The following CACNA1B variants were observed in gnomAD, a reference collection of about 807,000 sequenced individuals.
CACNA1B encodes the protein voltage-dependent N-type calcium channel subunit alpha-1B.
CACNA1B carries 70 observed loss-of-function variants against 247.2 expected under a neutral mutation model. That is an observed-to-expected ratio of 0.28 (90% CI 0.23 to 0.35). CACNA1B has a LOEUF of 0.35. Among genes scored for constraint, CACNA1B ranks in the 10% least tolerant of loss-of-function variants. The pLI is 1.00. For synonymous variants in CACNA1B, 1,231 were observed against 1,294.4 expected (o/e 0.95, Z 1.05); for missense variants, 2,367 against 3,197.4 (o/e 0.74, Z 6.26).
intron 6 of CACNA1B, among the ~76,000 whole-genome samples, chr9:137,943,098 A>G (rs541139872): frequency 6.6e-6 from 1 of 151,746 alleles, no homozygotes; most frequent in South Asian, 2.1e-4. Context: ...GCCTGCTGAA[A>G]TGGTCCCAGG....
Position 137,935,919 on chromosome 9 carries a change from C to T in CACNA1B, c.967-16355C>T, listed in dbSNP as rs1009791080. ...TCGCCCAGGCTGGAGTGCAGTGGCA[C>T]GATCTCGGCTCACTGCAGCCTCTGC... On this transcript the variant is annotated intron_variant, in intron 6 of 46. Coordinates refer to ENST00000371372, the MANE Select transcript of CACNA1B (RefSeq NM_000718.4). Among the ~76,000 whole-genome samples the T allele has an allele frequency of 5.3e-5, 8 of 152,180 alleles. No homozygotes were observed. The East Asian group carries it at 9.7e-4, about 18-fold the overall frequency.
intron 44 of CACNA1B, among the ~76,000 whole-genome samples, chr9:138,119,643 C>T (rs147856743): frequency 6.6e-6 from 1 of 152,230 alleles, no homozygotes; most frequent in Non-Finnish European, 1.5e-5. Context: ...TCTCTTGTCT[C>T]TTTCCCCGCC....
chr9:138,071,118 C>G (rs1347312510), intron 32 of CACNA1B, among the ~76,000 whole-genome samples: 1 of 152,188 alleles, frequency 6.6e-6, no homozygotes, highest in Non-Finnish European at 1.5e-5. Context: ...ATTTTAAATC[C>G]CTTTTCTCAA....
chr9:137,964,676 C>T lies in CACNA1B; in HGVS notation c.1334-6707C>T, dbSNP rs984834152. Among the ~76,000 whole-genome samples the T allele has an allele frequency of 2.6e-5, 4 of 152,198 alleles. No individual in the cohort carries two copies. The South Asian group carries it at 8.3e-4, about 31-fold the overall frequency. ...CATAAGTGAAGTTCATTATTACCCA[C>T]CTTCTGAAGCCTACTTCTATCATTT... On this transcript the variant is annotated intron_variant, in intron 10 of 46. Coordinates refer to ENST00000371372, the MANE Select transcript of CACNA1B (RefSeq NM_000718.4).
intron 35 of CACNA1B, 105 bp from the exon 36 acceptor site, chr9:138,078,009 G>C (rs937887573): frequency 1.1e-6 from 1 of 942,222 alleles, no homozygotes; most frequent in African/African-American, 1.6e-5. Flanking sequence ...TGTGTGAGCT[G>C]TCTGTGGGAA....
chr9:138,075,769 G>A (rs772882680), intron 34 of CACNA1B, 50 bp from the exon 35 acceptor site: 31 of 1,260,936 alleles, frequency 2.5e-5, no homozygotes, highest in Admixed American at 3.8e-5. Context: ...CACCTGGCGC[G>A]GCTCCTGCAG....
chr9:137,987,231 C>G (rs7029137), intron 15 of CACNA1B, among the ~76,000 whole-genome samples: 56,150 of 151,992 alleles, frequency 0.37, 14,632 homozygotes, highest in African/African-American at 0.73. Flanking sequence ...TTCTCCCCCT[C>G]CTATCTCAGA....
intron 3 of CACNA1B, among the ~76,000 whole-genome samples, chr9:137,894,643 C>T (rs562021155): frequency 2.6e-3 from 389 of 152,204 alleles, no homozygotes; most frequent in Non-Finnish European, 3.6e-3. Context: ...CTCCTGACCT[C>T]GTGATCCGCC....
At chr9:137,980,574 T>C (rs1958282557) in intron 12 of CACNA1B, among the ~76,000 whole-genome samples, 1 of 152,248 alleles carries the variant, frequency 6.6e-6, no homozygotes, top group African/African-American at 2.4e-5. Context: ...CATGGGTATA[T>C]TGTGTGATGC....
intron 10 of CACNA1B, among the ~76,000 whole-genome samples, chr9:137,960,939 A>C (rs1026861086): frequency 1.3e-5 from 2 of 151,280 alleles, no homozygotes; most frequent in African/African-American, 4.9e-5. Context: ...TTTGGTTTTG[A>C]TTTGTATTTC....
At chr9:137,960,398 CT>C (rs1958003389) in intron 10 of CACNA1B, among the ~76,000 whole-genome samples, 1 of 31,662 alleles carries the variant, frequency 3.2e-5, no homozygotes, top group African/African-American at 1.2e-4. Flanking sequence ...GTTGGCCTGA[CT>C]GGGGGGGAGG....
In CACNA1B at chr9:137,987,299, C is replaced by T. The variant is rs148190301; in HGVS notation, c.1974+445C>T. ...TGGAAAACTACCCCCCTCAGCTCCT[C>T]GGGAAGTGGGGGCTGGGGGCCCACT... On this transcript the variant is annotated intron_variant, in intron 15 of 46. Coordinates refer to ENST00000371372, the MANE Select transcript of CACNA1B (RefSeq NM_000718.4). Among the ~76,000 whole-genome samples the T allele has an allele frequency of 2.4e-3, 366 of 152,266 alleles. 1 individual carries two copies. Among genetic ancestry groups the T allele is most frequent in the Middle Eastern group, 6.8e-3 (2 of 294 alleles).
chr9:138,096,347 G>C, intron 36 of CACNA1B, 137 bp from the exon 37 acceptor site: 1 of 666,450 alleles, frequency 1.5e-6, no homozygotes, highest in Non-Finnish European at 2.6e-6. Flanking sequence ...GGGGAGAGCA[G>C]ATCGGGCATG....
intron 6 of CACNA1B, among the ~76,000 whole-genome samples, chr9:137,930,825 T>C (rs1231352596): frequency 6.6e-6 from 1 of 152,246 alleles, no homozygotes; most frequent in African/African-American, 2.4e-5. Context: ...GACCTTTTTA[T>C]CATTATATAC....
At position 137,995,083 on chromosome 9, in the gene CACNA1B, C is replaced by A. The variant is rs532533748; in HGVS notation, c.1974+8229C>A. On this transcript the variant is annotated intron_variant, in intron 15 of 46. Transcript: ENST00000371372. The stretch of plus-strand genomic sequence containing the variant: ...ATTAGCCAGGTGCGGTGGCTTGTGC[C>A]TGTAATCCCAGCTACTTGGAAGGCT... 3.9e-5 allele frequency among the ~76,000 whole-genome samples: 6 copies of A among 152,184 alleles called. No individual in the cohort carries two copies. The South Asian group carries it at 1.0e-3, about 26-fold the overall frequency.
chr9:137,992,781 A>G lies in CACNA1B; in HGVS notation c.1974+5927A>G, dbSNP rs534820328. Among the ~76,000 whole-genome samples the G allele has an allele frequency of 5.1e-3, 754 of 148,618 alleles. 11 individuals are homozygous for G. Among genetic ancestry groups the G allele is most frequent in the South Asian group, 0.029 (134 of 4,690 alleles). On this transcript the variant is annotated intron_variant, in intron 15 of 46. Coordinates refer to ENST00000371372, the MANE Select transcript of CACNA1B (RefSeq NM_000718.4). Reference sequence around the variant, plus strand: ...CACTGCACTCCAGCCTGGGCGACAGAGCGAGACTCCGTCTCAAAAAAAAAA... The same window carrying G: ...CACTGCACTCCAGCCTGGGCGACAGGGCGAGACTCCGTCTCAAAAAAAAAA...
In CACNA1B at chr9:137,974,040, C is replaced by T. The variant is rs1958188632; in HGVS notation, c.1544-1867C>T. On this transcript the variant is annotated intron_variant, in intron 11 of 46. Coordinates refer to ENST00000371372, the MANE Select transcript of CACNA1B (RefSeq NM_000718.4). This position sits in a 1 kb window ranked among gnomAD's most constrained non-coding sequence, Gnocchi z 4.5. Reference sequence around the variant, plus strand: ...GGGTCCGAGCCCCTCGTGTGGGGAGCCCGAGGCCTTTGTGACCCACGCAGA... The same window carrying T: ...GGGTCCGAGCCCCTCGTGTGGGGAGTCCGAGGCCTTTGTGACCCACGCAGA... 6.6e-6 allele frequency among the ~76,000 whole-genome samples: 1 copy of T among 152,114 alleles called. No homozygotes were observed. The highest frequency in any genetic ancestry group is 2.1e-4 in the South Asian group (1 of 4,830).
intron 18 of CACNA1B, among the ~76,000 whole-genome samples, chr9:138,021,525 C>T (rs1401233833): frequency 6.6e-6 from 1 of 152,256 alleles, no homozygotes; most frequent in Non-Finnish European, 1.5e-5. Context: ...GAGTGGTGCT[C>T]AGCGGCTCAG....
At position 137,917,152 on chromosome 9, in the gene CACNA1B, G is replaced by A; in HGVS notation, c.776-89G>A. The A allele has an allele frequency of 1.6e-6, 2 of 1,240,882 alleles. No individual in the cohort carries two copies. Among genetic ancestry groups the A allele is most frequent in the Non-Finnish European group, 2.3e-6 (2 of 885,934 alleles). 76.9% of individuals were successfully genotyped at this position (1,240,882 alleles called of 1,614,324 possible). A position where few individuals can be genotyped will look rare whatever the true frequency, so the allele number is the denominator to read the frequency against. ...GGTGGCTGGTTCCTGCCCACCTGCT[G>A]TGAGCTCTCCAGAGCCCAGGAATCC... On this transcript the variant is annotated intron_variant, in intron 5 of 46. Transcript: ENST00000371372. The surrounding 1 kb of genome is among the most constrained non-coding windows in gnomAD (Gnocchi z 5.5).
Sources: allele counts gnomAD v4.1 joint callset (sites outside exome capture counted in the v4.1 genomes callset), GRCh38; gene constraint gnomAD v4.1.1; non-coding constraint Gnocchi (gnomAD v3.1); transcripts MANE v1.5; gene names NCBI Gene and HGNC (gene_info 2026-07-23, HGNC 2026-07-21).